Variants in SESTD1 observed in about 807,000 individuals in gnomAD.
SESTD1 encodes the protein SEC14 domain and spectrin repeat-containing protein 1.
A neutral mutation model predicts 101.7 loss-of-function variants in SESTD1; 43 were observed. The observed-to-expected ratio is 0.42, with a 90% CI of 0.33 to 0.55. SESTD1 has a LOEUF of 0.55. SESTD1 is among the 20% of genes least tolerant of loss of function. The pLI is 0.07. For synonymous variants in SESTD1, 283 were observed against 286.8 expected (o/e 0.99, Z 0.13); for missense variants, 647 against 815.1 (o/e 0.79, Z 2.51).
intron 4 of SESTD1, among the ~76,000 whole-genome samples, chr2:179,174,723 G>A (rs1238250593): frequency 6.6e-6 from 1 of 152,136 alleles, no homozygotes; most frequent in Non-Finnish European, 1.5e-5. Flanking sequence ...CGATTTGGGA[G>A]GCTGAAGCAG....
chr2:179,137,554 G>A (rs988786944), intron 9 of SESTD1, among the ~76,000 whole-genome samples: 7 of 152,186 alleles, frequency 4.6e-5, no homozygotes, highest in Non-Finnish European at 1.0e-4. Context: ...AATAAATAAT[G>A]AGCATAATGA....
rs946210750 is a variant in SESTD1 at position 179,105,170 on chromosome 2, T to G, written c.*4729A>C. Reference sequence around the variant, plus strand: ...GCACTAATTGTGGTCTTTTCATGCTTTGTTCTGTTTTTTTTTTTTTTTTAA... The same window carrying G: ...GCACTAATTGTGGTCTTTTCATGCTGTGTTCTGTTTTTTTTTTTTTTTTAA... On this transcript the variant is annotated 3_prime_UTR_variant, in exon 18 of 18. Transcript: ENST00000428443. The G allele has an allele frequency of 7.5e-6, 1 of 133,572 alleles. No individual in the cohort carries two copies. Among genetic ancestry groups the G allele is most frequent in the African/African-American group, 3.3e-5 (1 of 30,092 alleles). 8.3% of individuals were successfully genotyped at this position (133,572 alleles called of 1,614,324 possible). A position where few individuals can be genotyped will look rare whatever the true frequency, so the allele number is the denominator to read the frequency against.
chr2:179,123,068 T>C (rs2044788828), intron 12 of SESTD1, among the ~76,000 whole-genome samples: 1 of 152,106 alleles, frequency 6.6e-6, no homozygotes, highest in African/African-American at 2.4e-5. Context: ...CATTTCCCCT[T>C]TTGTCCCCCC....
rs191812392 is a variant in SESTD1, at chr2:179,131,224, T to C, written c.972+1080A>G. Among the ~76,000 whole-genome samples the C allele has an allele frequency of 8.2e-4, 124 of 152,134 alleles. 1 individual carries two copies. The highest frequency in any genetic ancestry group is 9.0e-4 in the Non-Finnish European group (61 of 67,928). On this transcript the variant is annotated intron_variant, in intron 10 of 17. Coordinates refer to ENST00000428443, the MANE Select transcript of SESTD1 (RefSeq NM_178123.5). ...ACAGAACATTACAAAGAAAGCAATA[T>C]GAGGAAACTAAGCAAAATGGAATAC...
chr2:179,126,157 T>C (rs762311373), intron 10 of SESTD1, among the ~76,000 whole-genome samples: 10 of 152,260 alleles, frequency 6.6e-5, no homozygotes, highest in Non-Finnish European at 1.2e-4. Flanking sequence ...ATTTTTTTCT[T>C]AAAGGAGTTC....
At chr2:179,132,216 G>T (rs1468917325) in intron 10 of SESTD1, 88 bp downstream of exon 10, 15 of 1,409,516 alleles carry the variant, frequency 1.1e-5, no homozygotes, top group Middle Eastern at 3.8e-4. Context: ...ACCAAAGTTT[G>T]CAGCAACTTA....
rs2046323356 is a variant in SESTD1, at chr2:179,191,757, AACACTTCAAATTTTAAGAAGAAATCAT to A, written c.55+3_55+29del. On this transcript the variant is annotated splice_donor_5th_base_variant and intron_variant, in intron 2 of 17. Coordinates refer to ENST00000428443, the MANE Select transcript of SESTD1 (RefSeq NM_178123.5). ...AAACTATTAAAAAGTTTGTATATCA[AACACTTCAAATTTTAAGAAGAAATCAT>A]ACCTGAAAGGAAGGCTAGTTTTTTC... 1 of 1,589,168 alleles carries A rather than the reference AACACTTCAAATTTTAAGAAGAAATCAT, an allele frequency of 6.3e-7. No individual in the cohort carries two copies. The highest frequency in any genetic ancestry group is 1.7e-5 in the Admixed American group (1 of 57,902).
At chr2:179,113,145 T>C (rs557947717) in intron 16 of SESTD1, among the ~76,000 whole-genome samples, 2 of 152,320 alleles carry the variant, frequency 1.3e-5, no homozygotes, top group East Asian at 3.9e-4. Flanking sequence ...AGACTACTAT[T>C]TGGAAAATAA....
chr2:179,131,285 T>C (rs2045008052), intron 10 of SESTD1, among the ~76,000 whole-genome samples: 1 of 152,164 alleles, frequency 6.6e-6, no homozygotes, highest in Admixed American at 6.5e-5. Flanking sequence ...TATTGTTAAA[T>C]TCTAGTAAAG....
intron 1 of SESTD1, among the ~76,000 whole-genome samples, chr2:179,197,781 G>A (rs2046426887): frequency 6.6e-6 from 1 of 151,840 alleles, no homozygotes; most frequent in South Asian, 2.1e-4. Context: ...TCACCACCAG[G>A]CCTGCCCTAG....
At chr2:179,132,738 T>C (rs1312016747) in intron 9 of SESTD1, among the ~76,000 whole-genome samples, 2 of 152,134 alleles carry the variant, frequency 1.3e-5, no homozygotes, top group Non-Finnish European at 2.9e-5. Context: ...GAAAAGAGAA[T>C]CAGAGAATCA....
intron 1 of SESTD1, among the ~76,000 whole-genome samples, chr2:179,227,605 G>T (rs1453234033): frequency 1.3e-5 from 2 of 152,112 alleles, no homozygotes; most frequent in African/African-American, 4.8e-5. Flanking sequence ...TAAAAATACG[G>T]AACTATGATA....
intron 17 of SESTD1, among the ~76,000 whole-genome samples, chr2:179,111,691 A>C (rs1437203039): frequency 6.6e-6 from 1 of 150,932 alleles, no homozygotes; most frequent in Admixed American, 6.6e-5. Context: ...TCAGGTCTAA[A>C]TCACCAGGGA....
chr2:179,188,935 A>T (rs1397847198), intron 2 of SESTD1, among the ~76,000 whole-genome samples: 5 of 152,150 alleles, frequency 3.3e-5, no homozygotes, highest in African/African-American at 1.2e-4. Flanking sequence ...TTGGTAATTT[A>T]AAAAAATCTA....
intron 5 of SESTD1, among the ~76,000 whole-genome samples, chr2:179,164,105 A>T (rs1274402659): frequency 6.6e-6 from 1 of 152,172 alleles, no homozygotes; most frequent in Admixed American, 6.5e-5. Flanking sequence ...ATGTGTGTAT[A>T]TATGTTCATA....
chr2:179,183,235 A>T (rs756355057), intron 2 of SESTD1, 47 bp from the exon 3 acceptor site: 2 of 1,158,922 alleles, frequency 1.7e-6, no homozygotes, highest in Non-Finnish European at 2.5e-6. Flanking sequence ...ATATTAAGGC[A>T]TAATCTGAAT....
Position 179,115,179 on chromosome 2 carries a change from T to A in SESTD1, c.1725A>T (p.Ser575=). ...LCQSLRCTSR[S]SGDTLPRLNR... is the part of the protein sequence containing the mutation. Reference sequence around the variant, plus strand: ...TCAGTCGAGGAAGTGTATCCCCAGATGACCGAGAAGTGCAGCGCAAAGATT... The same window carrying A: ...TCAGTCGAGGAAGTGTATCCCCAGAAGACCGAGAAGTGCAGCGCAAAGATT... The change falls in exon 16 of 18, where the codon TCA becomes TCT. Residue 575 remains serine (S), a synonymous_variant. Transcript: ENST00000428443. 1 of 1,614,094 alleles carries A rather than the reference T, an allele frequency of 6.2e-7. No homozygotes were observed.
In SESTD1 at chr2:179,121,760, C is replaced by T. The variant is rs767583112; in HGVS notation, c.1442+10G>A. 1 of 1,551,560 alleles carries T rather than the reference C, an allele frequency of 6.4e-7. No individual in the cohort carries two copies. Among genetic ancestry groups the T allele is most frequent in the Non-Finnish European group, 8.7e-7 (1 of 1,154,944 alleles). The stretch of plus-strand genomic sequence containing the variant: ...ATTTTAGTAAAAAGTAATTAACGGT[C>T]AAACTTTGCCTTTGTTTTCTAAGCT... On this transcript the variant is annotated intron_variant, in intron 13 of 17. Coordinates refer to ENST00000428443, the MANE Select transcript of SESTD1 (RefSeq NM_178123.5).
intron 1 of SESTD1, among the ~76,000 whole-genome samples, chr2:179,230,334 T>C (rs116051947): frequency 0.058 from 8,747 of 151,524 alleles, 318 homozygotes; most frequent in South Asian, 0.12. Context: ...ATGAGTTTTG[T>C]CATGTTGCCC....
Sources: gnomAD v4.1 joint callset for allele counts (sites outside exome capture counted in the v4.1 genomes callset) on GRCh38, gnomAD v4.1.1 for gene constraint, MANE v1.5 for transcripts, NCBI Gene and HGNC (gene_info 2026-07-23, HGNC 2026-07-21) for gene names.